Variants in TMPRSS11A observed in about 807,000 individuals in gnomAD.
The protein encoded by TMPRSS11A is transmembrane serine protease 11A.
A neutral mutation model predicts 58.9 loss-of-function variants in TMPRSS11A; 53 were observed. The ratio of observed to expected loss-of-function variants is 0.90; its 90% CI spans 0.72 to 1.13. The LOEUF is 1.13. Among genes scored for constraint, TMPRSS11A ranks in the 50% most tolerant of loss-of-function variants. TMPRSS11A has a pLI of 0.00. For synonymous variants in TMPRSS11A, 167 were observed against 169.8 expected (o/e 0.98, Z 0.13); for missense variants, 493 against 499.3 (o/e 0.99, Z 0.12).
At chr4:67,946,369 T>G (rs1401603694) in intron 2 of TMPRSS11A, 81 bp downstream of exon 2, 3 of 1,408,288 alleles carry the variant, frequency 2.1e-6, no homozygotes, top group Non-Finnish European at 2.8e-6. Flanking sequence ...ATTTTTTAGA[T>G]GAAGTTACAT....
At chr4:67,959,247 C>G (rs1185702408) in intron 1 of TMPRSS11A, among the ~76,000 whole-genome samples, 1 of 152,112 alleles carries the variant, frequency 6.6e-6, no homozygotes, top group Non-Finnish European at 1.5e-5. Context: ...GAATATTTTA[C>G]TCAAATTATA....
rs375256216 is a variant in TMPRSS11A, at chr4:67,913,076, A to C, written c.1095+1512T>G. Among the ~76,000 whole-genome samples, 10 of 152,158 alleles carry C rather than the reference A, an allele frequency of 6.6e-5. No individual in the cohort carries two copies. The South Asian group carries it at 1.9e-3, about 28-fold the overall frequency. ...CCACTGGATTTTAAAAATTATGATT[A>C]TATTATTGCTACATTTCCAGAGGTG... On this transcript the variant is annotated intron_variant, in intron 9 of 9. Coordinates refer to ENST00000508048, the MANE Select transcript of TMPRSS11A (RefSeq NM_001114387.2).
At chr4:67,947,680 A>G (rs1721058883) in intron 1 of TMPRSS11A, among the ~76,000 whole-genome samples, 2 of 152,216 alleles carry the variant, frequency 1.3e-5, no homozygotes. Context: ...TGGAGGAAAA[A>G]ATAACTCTTT....
intron 8 of TMPRSS11A, among the ~76,000 whole-genome samples, chr4:67,917,040 A>G (rs78529076): frequency 0.026 from 3,894 of 152,136 alleles, 160 homozygotes; most frequent in African/African-American, 0.089. Flanking sequence ...AAAAATGCTT[A>G]ATGACATTTC....
At chr4:67,947,228 A>C (rs1270875851) in intron 1 of TMPRSS11A, among the ~76,000 whole-genome samples, 4 of 152,196 alleles carry the variant, frequency 2.6e-5, no homozygotes, top group African/African-American at 9.7e-5. Flanking sequence ...AAAATTAATG[A>C]TATTTCTGCC....
At chr4:67,917,645 C>T (rs1720195053) in intron 8 of TMPRSS11A, among the ~76,000 whole-genome samples, 1 of 152,022 alleles carries the variant, frequency 6.6e-6, no homozygotes, top group Non-Finnish European at 1.5e-5. Context: ...CCAAGAGAGG[C>T]CGTGTTCAAG....
chr4:67,961,829 A>G (rs960397937), intron 1 of TMPRSS11A, among the ~76,000 whole-genome samples: 3 of 152,084 alleles, frequency 2.0e-5, no homozygotes, highest in African/African-American at 7.2e-5. Flanking sequence ...CTTTATCAGC[A>G]GGTGTCACTG....
chr4:67,926,228 G>GT (rs71669186), intron 5 of TMPRSS11A, among the ~76,000 whole-genome samples: 78,503 of 151,184 alleles, frequency 0.52, 20,706 homozygotes, highest in East Asian at 0.67. Context: ...ACACCACACA[G>GT]TTTTTTTTTG....
At chr4:67,938,973 A>G (rs1188062326) in intron 3 of TMPRSS11A, among the ~76,000 whole-genome samples, 2 of 151,978 alleles carry the variant, frequency 1.3e-5, no homozygotes, top group African/African-American at 2.4e-5. Flanking sequence ...GTTTGATAGG[A>G]ATAGCATTGA....
intron 5 of TMPRSS11A, among the ~76,000 whole-genome samples, chr4:67,927,514 G>T (rs1266640298): frequency 6.6e-6 from 1 of 152,226 alleles, no homozygotes; most frequent in Non-Finnish European, 1.5e-5. Flanking sequence ...CCCTGTGCTC[G>T]CTCAGACAAC....
intron 1 of TMPRSS11A, among the ~76,000 whole-genome samples, chr4:67,947,102 A>T (rs1446257325): frequency 2.0e-5 from 3 of 151,992 alleles, no homozygotes; most frequent in African/African-American, 4.8e-5. Flanking sequence ...TGGCTCATTT[A>T]TTTTTTCTGC....
intron 1 of TMPRSS11A, among the ~76,000 whole-genome samples, chr4:67,962,192 A>T (rs1721447730): frequency 1.3e-5 from 2 of 152,112 alleles, no homozygotes; most frequent in South Asian, 2.1e-4. Context: ...ATATTTATGG[A>T]GTACTGGTTA....
intron 3 of TMPRSS11A, among the ~76,000 whole-genome samples, chr4:67,939,655 A>T (rs1410382843): frequency 6.6e-6 from 1 of 152,122 alleles, no homozygotes; most frequent in South Asian, 2.1e-4. Context: ...CTTTTTCTAC[A>T]TATATTGAGA....
chr4:67,918,630 G>T (rs554015668), intron 8 of TMPRSS11A, among the ~76,000 whole-genome samples: 2 of 152,260 alleles, frequency 1.3e-5, no homozygotes, highest in Middle Eastern at 6.8e-3. Context: ...GGTGAAGCTA[G>T]CATCCCTCTG....
At chr4:67,926,828 T>C (rs993586992) in intron 5 of TMPRSS11A, among the ~76,000 whole-genome samples, 41 of 152,128 alleles carry the variant, frequency 2.7e-4, no homozygotes, top group Admixed American at 1.2e-3. Flanking sequence ...GGAGGCAGCA[T>C]TGGACCCTTG....
At chr4:67,936,318 G>A (rs899275035) in intron 3 of TMPRSS11A, among the ~76,000 whole-genome samples, 1 of 143,676 alleles carries the variant, frequency 7.0e-6, no homozygotes, top group Non-Finnish European at 1.5e-5. Flanking sequence ...TATCATATCT[G>A]TATAAAACTC....
intron 1 of TMPRSS11A, among the ~76,000 whole-genome samples, chr4:67,952,951 A>G (rs1178629443): frequency 6.6e-6 from 1 of 152,070 alleles, no homozygotes; most frequent in Non-Finnish European, 1.5e-5. Flanking sequence ...GGCACCAGGG[A>G]CTGGTTTTGT....
At chr4:67,917,537 C>T (rs353167) in intron 8 of TMPRSS11A, among the ~76,000 whole-genome samples, 13,939 of 152,034 alleles carry the variant, frequency 0.092, 835 homozygotes, top group African/African-American at 0.16. Context: ...TGGTGAGTAA[C>T]GAATGGCTGC....
At chr4:67,943,459 G>A (rs147641037) in intron 3 of TMPRSS11A, among the ~76,000 whole-genome samples, 107 of 152,142 alleles carry the variant, frequency 7.0e-4, no homozygotes, top group African/African-American at 2.4e-3. Context: ...TTTTTGCATC[G>A]AGGAGGTTAT....
Sources: allele counts gnomAD v4.1 joint callset (sites outside exome capture counted in the v4.1 genomes callset), GRCh38; gene constraint gnomAD v4.1.1; transcripts MANE v1.5; gene names NCBI Gene and HGNC (gene_info 2026-07-23, HGNC 2026-07-21).